FBXO16: variants seen among roughly 807,000 people sequenced by gnomAD.
FBXO16 encodes F-box protein 16.
Under a neutral mutation model 41.0 loss-of-function variants are expected in FBXO16, and 31 were observed. The observed-to-expected ratio is 0.76, with a 90% CI of 0.57 to 1.02. FBXO16 has a LOEUF of 1.02. Among genes scored for constraint, FBXO16 ranks in the 50% least tolerant of loss-of-function variants. FBXO16 has a pLI of 0.00. For missense variants in FBXO16, 361 were observed against 346.2 expected (o/e 1.04, Z -0.34); for synonymous variants, 133 against 117.8 (o/e 1.13, Z -0.84).
intron 1 of FBXO16, among the ~76,000 whole-genome samples, chr8:28,487,843 CT>C (rs779141755): frequency 1.3e-5 from 2 of 150,942 alleles, no homozygotes. Flanking sequence ...GAATATTCAT[CT>C]TTTTTTCTTT....
Position 28,429,368 on chromosome 8 carries a change from C to T in FBXO16, c.869+10G>A, listed in dbSNP as rs57374675. 232,112 of 1,612,762 alleles carry T rather than the reference C, an allele frequency of 0.14. 19,944 individuals carry two copies. Among genetic ancestry groups the T allele is most frequent in the African/African-American group, 0.36 (26,597 of 74,814 alleles). The stretch of plus-strand genomic sequence containing the variant: ...AAATGTCACAGGTTGATATCACAAC[C>T]GAAACTCACAGTGGGAAGGGATTTC... On this transcript the variant is annotated intron_variant, in intron 8 of 8. Transcript: ENST00000380254.
At chr8:28,483,291 A>T in intron 2 of FBXO16, 57 bp downstream of exon 2, 1 of 1,461,320 alleles carries the variant, frequency 6.8e-7, no homozygotes, top group Non-Finnish European at 9.4e-7. Flanking sequence ...TAAAATTTTA[A>T]TATCTTTTTT....
chr8:28,439,679 G>A (rs1369366397), intron 7 of FBXO16, among the ~76,000 whole-genome samples: 1 of 151,838 alleles, frequency 6.6e-6, no homozygotes, highest in Non-Finnish European at 1.5e-5. Context: ...GGGAGTTGTT[G>A]AGGCTGCAGT....
At chr8:28,463,478 TTGTG>T (rs941251707) in intron 4 of FBXO16, 130 bp downstream of exon 4, 15 of 811,528 alleles carry the variant, frequency 1.8e-5, no homozygotes, top group South Asian at 7.2e-5. Flanking sequence ...AAGTGTACAT[TTGTG>T]TGTGTTTGTG....
intron 7 of FBXO16, among the ~76,000 whole-genome samples, chr8:28,438,863 G>A (rs1217078525): frequency 6.6e-6 from 1 of 152,150 alleles, no homozygotes; most frequent in African/African-American, 2.4e-5. Flanking sequence ...ACTTTGGGAG[G>A]CTGAGGCAAA....
chr8:28,460,249 T>A (rs866690680), intron 4 of FBXO16, among the ~76,000 whole-genome samples: 3,414 of 83,256 alleles, frequency 0.041, 37 homozygotes, highest in East Asian at 0.085. Context: ...ATATATATTT[T>A]TTTTTTTTTT....
chr8:28,451,380 G>GTTTTTTTTT (rs67171132), intron 6 of FBXO16, among the ~76,000 whole-genome samples: 1 of 138,704 alleles, frequency 7.2e-6, no homozygotes, highest in Non-Finnish European at 1.6e-5. Flanking sequence ...CTTTGTTGTT[G>GTTTTTTTTT]TTTTTTTTTT....
intron 7 of FBXO16, among the ~76,000 whole-genome samples, chr8:28,444,681 C>T (rs971221949): frequency 2.0e-5 from 3 of 150,292 alleles, no homozygotes; most frequent in African/African-American, 7.3e-5. Flanking sequence ...GGGATTTCAC[C>T]GTGTTAGCCA....
At chr8:28,479,863 G>A (rs1022937837) in intron 2 of FBXO16, among the ~76,000 whole-genome samples, 4 of 151,676 alleles carry the variant, frequency 2.6e-5, no homozygotes, top group Non-Finnish European at 5.9e-5. Context: ...TGGGACCATA[G>A]GCATGCACCA....
intron 2 of FBXO16, among the ~76,000 whole-genome samples, chr8:28,478,061 G>A (rs76415852): frequency 0.031 from 4,790 of 152,214 alleles, 258 homozygotes; most frequent in African/African-American, 0.11. Context: ...AATTCTATGT[G>A]TGTGACTCTG....
chr8:28,440,374 G>T (rs1464650592), intron 7 of FBXO16, among the ~76,000 whole-genome samples: 1 of 152,064 alleles, frequency 6.6e-6, no homozygotes, highest in African/African-American at 2.4e-5. Flanking sequence ...CCATCCTTGG[G>T]GTTTCCCAGC....
chr8:28,450,367 T>G (rs148899526), intron 6 of FBXO16, among the ~76,000 whole-genome samples: 3 of 152,276 alleles, frequency 2.0e-5, no homozygotes, highest in African/African-American at 7.2e-5. Context: ...ACAAAACTCT[T>G]AGAAGAAAAT....
chr8:28,465,348 T>G (rs1364819336), intron 3 of FBXO16: 7 of 445,480 alleles, frequency 1.6e-5, no homozygotes, highest in Non-Finnish European at 2.7e-5. Context: ...ATAGGCCCCG[T>G]GTGGTGGCTC....
chr8:28,487,246 C>T (rs1461883340), intron 1 of FBXO16, among the ~76,000 whole-genome samples: 1 of 152,038 alleles, frequency 6.6e-6, no homozygotes, highest in Non-Finnish European at 1.5e-5. Flanking sequence ...CTGAAGTGTG[C>T]CAATGTGGAC....
At chr8:28,462,469 G>T (rs987853235) in intron 4 of FBXO16, among the ~76,000 whole-genome samples, 1 of 151,580 alleles carries the variant, frequency 6.6e-6, no homozygotes, top group Non-Finnish European at 1.5e-5. Context: ...TAGTAGAGAC[G>T]GGGTTTCACT....
At chr8:28,461,769 T>C (rs1563364904) in intron 4 of FBXO16, among the ~76,000 whole-genome samples, 1 of 152,206 alleles carries the variant, frequency 6.6e-6, no homozygotes, top group Admixed American at 6.5e-5. Flanking sequence ...AGCAAGATTT[T>C]AAATTGCATA....
chr8:28,434,474 A>C (rs1290149225), intron 7 of FBXO16, among the ~76,000 whole-genome samples: 1 of 152,220 alleles, frequency 6.6e-6, no homozygotes, highest in Non-Finnish European at 1.5e-5. Flanking sequence ...TACCAATGAC[A>C]GTAATAACTG....
intron 8 of FBXO16, among the ~76,000 whole-genome samples, 196 bp downstream of exon 8, chr8:28,429,182 A>C (rs944733914): frequency 6.6e-6 from 1 of 152,088 alleles, no homozygotes; most frequent in Non-Finnish European, 1.5e-5. Flanking sequence ...TTTAGAGATG[A>C]GGTCTCCCTA....
chr8:28,469,005 TA>T (rs890628630), intron 3 of FBXO16, among the ~76,000 whole-genome samples: 2 of 152,042 alleles, frequency 1.3e-5, no homozygotes, highest in South Asian at 2.1e-4. Context: ...TTTTTCTAAT[TA>T]AAAAAAAATT....
Sources: gnomAD v4.1 joint callset for allele counts (sites outside exome capture counted in the v4.1 genomes callset) on GRCh38, gnomAD v4.1.1 for gene constraint, MANE v1.5 for transcripts, NCBI Gene and HGNC (gene_info 2026-07-23, HGNC 2026-07-21) for gene names.